HS3ST4: variants seen among roughly 807,000 people sequenced by gnomAD.
HS3ST4 encodes the protein heparan sulfate-glucosamine 3-sulfotransferase 4, also known as heparan sulfate glucosamine 3-O-sulfotransferase 4.
HS3ST4 carries 17 observed loss-of-function variants against 29.2 expected under a neutral mutation model. That is an observed-to-expected ratio of 0.58 (90% CI 0.40 to 0.87). The LOEUF (loss-of-function observed/expected upper bound fraction) is 0.87. Ranked by LOEUF, HS3ST4 falls within the 40% of genes least tolerant of loss-of-function variation. The pLI is 0.00. For synonymous variants in HS3ST4, 314 were observed against 285.7 expected (o/e 1.10, Z -1.00); for missense variants, 627 against 634.5 (o/e 0.99, Z 0.13).
intron 1 of HS3ST4, among the ~76,000 whole-genome samples, chr16:25,930,204 G>A (rs573962599): frequency 3.2e-4 from 48 of 152,268 alleles, no homozygotes; most frequent in African/African-American, 1.1e-3. Flanking sequence ...CTAGGCATAT[G>A]AAGAACATGC....
intron 1 of HS3ST4, among the ~76,000 whole-genome samples, chr16:25,785,153 A>T (rs1596569922): frequency 1.3e-5 from 2 of 152,360 alleles, no homozygotes; most frequent in South Asian, 4.1e-4. Context: ...TTTAAAAAAG[A>T]TTCCTTTCAA....
chr16:25,919,203 T>A (rs188452770), intron 1 of HS3ST4, among the ~76,000 whole-genome samples: 9 of 151,746 alleles, frequency 5.9e-5, no homozygotes, highest in African/African-American at 1.9e-4. Context: ...AATTTTAAAA[T>A]TTTTTTTTGT....
chr16:26,072,832 T>G (rs1207141949), intron 1 of HS3ST4, among the ~76,000 whole-genome samples: 1 of 152,222 alleles, frequency 6.6e-6, no homozygotes, highest in Non-Finnish European at 1.5e-5. Context: ...AAACTCTTAT[T>G]GTCTAGTTAC....
chr16:26,114,974 G>A (rs1247775757), intron 1 of HS3ST4, among the ~76,000 whole-genome samples: 1 of 152,028 alleles, frequency 6.6e-6, no homozygotes, highest in Middle Eastern at 3.2e-3. Context: ...GAAACTAAAG[G>A]ACTCTCTCTA....
At chr16:26,070,175 A>G (rs1898585940) in intron 1 of HS3ST4, among the ~76,000 whole-genome samples, 1 of 152,190 alleles carries the variant, frequency 6.6e-6, no homozygotes, top group Admixed American at 6.5e-5. Context: ...TCCCACCAAC[A>G]GTGTAAAAGT....
chr16:25,760,619 A>G (rs1460876697), intron 1 of HS3ST4, among the ~76,000 whole-genome samples: 2 of 151,992 alleles, frequency 1.3e-5, no homozygotes, highest in East Asian at 1.9e-4. Context: ...GGGTTTCATC[A>G]TGTTGGCTAG....
chr16:25,790,722 G>A (rs1966867355), intron 1 of HS3ST4, among the ~76,000 whole-genome samples: 1 of 151,896 alleles, frequency 6.6e-6, no homozygotes, highest in South Asian at 2.1e-4. Context: ...AAAGTGTTTT[G>A]CCCATTAAAA....
chr16:25,969,771 A>T (rs1457636044), intron 1 of HS3ST4, among the ~76,000 whole-genome samples: 2 of 152,234 alleles, frequency 1.3e-5, no homozygotes, highest in Admixed American at 1.3e-4. Context: ...AGGGCCGCCC[A>T]TGGCATGAAC....
chr16:26,124,093 T>C (rs1179071311), intron 1 of HS3ST4, among the ~76,000 whole-genome samples: 1 of 152,146 alleles, frequency 6.6e-6, no homozygotes, highest in African/African-American at 2.4e-5. Flanking sequence ...TCTAATTTTG[T>C]ATTTTTAGTA....
chr16:25,925,300 T>C (rs1277576692), intron 1 of HS3ST4, among the ~76,000 whole-genome samples: 1 of 151,838 alleles, frequency 6.6e-6, no homozygotes, highest in African/African-American at 2.4e-5. Context: ...GGTCACAGAC[T>C]CTAACCCTGT....
chr16:25,783,474 T>TG (rs966250889), intron 1 of HS3ST4, among the ~76,000 whole-genome samples: 12 of 152,016 alleles, frequency 7.9e-5, no homozygotes, highest in South Asian at 2.1e-4. Context: ...AATTCTAGTT[T>TG]TTTTTTTTTT....
Position 25,887,984 on chromosome 16 carries a change from AC to A in HS3ST4, c.734+194835del, listed in dbSNP as rs1967972166. On this transcript the variant is annotated intron_variant, in intron 1 of 1. Coordinates refer to ENST00000331351, the MANE Select transcript of HS3ST4 (RefSeq NM_006040.3). The stretch of plus-strand genomic sequence containing the variant: ...ATTGTTGGGATTATAGGCATGAGCC[AC>A]CGCGCCCGTCCCGCTACACTTGATT... Among the ~76,000 whole-genome samples, 4 of 152,058 alleles carry A rather than the reference AC, an allele frequency of 2.6e-5. 1 individual carries two copies. Among genetic ancestry groups the A allele is most frequent in the South Asian group, 4.2e-4 (2 of 4,810 alleles).
At chr16:26,099,182 T>C (rs1898964129) in intron 1 of HS3ST4, among the ~76,000 whole-genome samples, 1 of 152,178 alleles carries the variant, frequency 6.6e-6, no homozygotes, top group African/African-American at 2.4e-5. Flanking sequence ...AGAGACAGGG[T>C]CTTGCTCTGC....
chr16:26,046,313 G>C (rs999338843), intron 1 of HS3ST4, among the ~76,000 whole-genome samples: 19 of 152,022 alleles, frequency 1.2e-4, no homozygotes, highest in Non-Finnish European at 2.9e-5. Flanking sequence ...ACCACGCCCA[G>C]CTAATTTTTG....
At chr16:26,134,821 G>A (rs1898258683) in intron 1 of HS3ST4, among the ~76,000 whole-genome samples, 1 of 152,188 alleles carries the variant, frequency 6.6e-6, no homozygotes, top group Admixed American at 6.5e-5. Context: ...AAAGGAATAA[G>A]GAGTAAATAC....
chr16:26,069,338 G>A (rs1160475323), intron 1 of HS3ST4, among the ~76,000 whole-genome samples: 2 of 152,150 alleles, frequency 1.3e-5, no homozygotes, highest in Non-Finnish European at 2.9e-5. Context: ...CTGGCTATGT[G>A]CCTTGCTTTA....
At chr16:25,987,347 CT>C (rs767422114) in intron 1 of HS3ST4, among the ~76,000 whole-genome samples, 33 of 147,094 alleles carry the variant, frequency 2.2e-4, no homozygotes, top group Non-Finnish European at 4.3e-4. Context: ...AAAACTCCAA[CT>C]CAAAAAAAAA....
chr16:25,942,381 A>G (rs1968580696), intron 1 of HS3ST4, among the ~76,000 whole-genome samples: 1 of 152,140 alleles, frequency 6.6e-6, no homozygotes, highest in Non-Finnish European at 1.5e-5. Flanking sequence ...TTATAATCAC[A>G]TATCTTATTA....
chr16:25,710,807 C>CATTT (rs1217980234), intron 1 of HS3ST4, among the ~76,000 whole-genome samples: 1 of 93,048 alleles, frequency 1.1e-5, no homozygotes, highest in Non-Finnish European at 2.2e-5. Context: ...TGCATATTAT[C>CATTT]CTTTTTTTTT....
Sources: allele counts gnomAD v4.1 joint callset (sites outside exome capture counted in the v4.1 genomes callset), GRCh38; gene constraint gnomAD v4.1.1; transcripts MANE v1.5; gene names NCBI Gene and HGNC (gene_info 2026-07-23, HGNC 2026-07-21).